Variants in SPACDR observed in about 807,000 individuals in gnomAD.
The protein encoded by SPACDR is uncharacterized protein C7orf61.
chr7:100,462,209 T>G, the SPACDR span, among the ~76,000 whole-genome samples: 4 of 152,148 alleles, frequency 2.6e-5, no homozygotes, highest in Non-Finnish European at 5.9e-5. Context: ...AAATATTTTT[T>G]ATTTTTATTA....
chr7:100,458,248 A>G, the SPACDR span, among the ~76,000 whole-genome samples: 1 of 148,236 alleles, frequency 6.7e-6, no homozygotes, highest in Non-Finnish European at 1.5e-5. Flanking sequence ...GTATAATTTT[A>G]CCAAGTTTTA....
At chr7:100,459,836 G>A in the SPACDR span, among the ~76,000 whole-genome samples, 1 of 152,104 alleles carries the variant, frequency 6.6e-6, no homozygotes, top group African/African-American at 2.4e-5. Context: ...ACCCACTGAA[G>A]GACATGGGTT....
At chr7:100,460,691 C>A in the SPACDR span, among the ~76,000 whole-genome samples, 1 of 151,678 alleles carries the variant, frequency 6.6e-6, no homozygotes, top group Non-Finnish European at 1.5e-5. Flanking sequence ...CTCACTGCCA[C>A]CCAGGTTGGA....
At chr7:100,463,350 G>T in the SPACDR span, 1 of 1,559,124 alleles carries the variant, frequency 6.4e-7, no homozygotes, top group South Asian at 1.2e-5. Context: ...GGGGGTGTTA[G>T]GATGGTGCTG....
the SPACDR span, chr7:100,463,448 A>C: frequency 6.2e-7 from 1 of 1,613,782 alleles, no homozygotes; most frequent in Non-Finnish European, 8.5e-7. Flanking sequence ...CGGCAGCTGC[A>C]GTAGGGATTG....
At chr7:100,457,013 C>T in the SPACDR span, 1,742 of 1,550,656 alleles carry the variant, frequency 1.1e-3, 6 homozygotes, top group Non-Finnish European at 1.1e-3. Context: ...GATGTGCATG[C>T]GTAAATAGCT....
At chr7:100,459,268 C>G in the SPACDR span, among the ~76,000 whole-genome samples, 1 of 151,478 alleles carries the variant, frequency 6.6e-6, no homozygotes, top group African/African-American at 2.4e-5. Flanking sequence ...CCTCGGCCTC[C>G]CAAAGTGCTG....
chr7:100,463,183 A>C, the SPACDR span, among the ~76,000 whole-genome samples: 1 of 151,914 alleles, frequency 6.6e-6, no homozygotes, highest in Non-Finnish European at 1.5e-5. Context: ...TATGTTGCCC[A>C]GGCTGGTCTC....
At chr7:100,459,686 A>G in the SPACDR span, among the ~76,000 whole-genome samples, 1 of 152,098 alleles carries the variant, frequency 6.6e-6, no homozygotes, top group Non-Finnish European at 1.5e-5. Flanking sequence ...GCTGGCCTCG[A>G]AACCCTGGGC....
chr7:100,457,837 G>GTGTGTGTGTA, the SPACDR span, among the ~76,000 whole-genome samples: 2 of 114,740 alleles, frequency 1.7e-5, no homozygotes, highest in Non-Finnish European at 3.5e-5. Flanking sequence ...GTGTGTGTGT[G>GTGTGTGTGTA]TGTGTATATA....
chr7:100,456,856 A>G, the SPACDR span: 2 of 1,613,472 alleles, frequency 1.2e-6, no homozygotes, highest in Non-Finnish European at 1.7e-6. Flanking sequence ...TGCCTGCGGT[A>G]CAGCCGGCGC....
the SPACDR span, among the ~76,000 whole-genome samples, chr7:100,457,860 T>A: frequency 0.013 from 1,219 of 94,300 alleles, 41 homozygotes; most frequent in African/African-American, 0.037. Flanking sequence ...TATATATATT[T>A]TTTTTTTTTT....
the SPACDR span, among the ~76,000 whole-genome samples, chr7:100,460,555 A>G: frequency 1.3e-5 from 2 of 151,376 alleles, no homozygotes; most frequent in Non-Finnish European, 2.9e-5. Context: ...ATGCCACTGC[A>G]CTCCAGCCTA....
chr7:100,464,239 C>T, the SPACDR span: 1 of 1,434,154 alleles, frequency 7.0e-7, no homozygotes, highest in Non-Finnish European at 9.2e-7. Flanking sequence ...CTCCCTGGGA[C>T]AGGGAGAGGA....
chr7:100,457,062 T>TA, the SPACDR span: 4 of 1,030,246 alleles, frequency 3.9e-6, no homozygotes, highest in African/African-American at 4.8e-5. Context: ...GACCCATAGA[T>TA]AAACAGCAAA....
the SPACDR span, among the ~76,000 whole-genome samples, chr7:100,458,195 GGTGTGTGTGTGTGTGTGTGT>G: frequency 9.3e-4 from 127 of 137,104 alleles, 1 homozygote; most frequent in African/African-American, 2.7e-3. Context: ...TGTACTCACT[GGTGTGTGTGTGTGTGTGTGT>G]GTGTGTGTGT....
the SPACDR span, chr7:100,456,991 A>G: frequency 1.2e-6 from 2 of 1,605,066 alleles, no homozygotes. Flanking sequence ...GATGACTGTA[A>G]GAGAAAGAGA....
At chr7:100,463,125 A>G in the SPACDR span, among the ~76,000 whole-genome samples, 1 of 150,050 alleles carries the variant, frequency 6.7e-6, no homozygotes, top group South Asian at 2.1e-4. Context: ...AAAAAAAGAA[A>G]GGAAGAAAAA....
chr7:100,457,222 C>T, the SPACDR span, among the ~76,000 whole-genome samples: 3 of 150,714 alleles, frequency 2.0e-5, no homozygotes, highest in African/African-American at 2.4e-5. Context: ...AGGCTGGTCT[C>T]GAACTCCTGG....
Sources: allele counts gnomAD v4.1 joint callset (sites outside exome capture counted in the v4.1 genomes callset), GRCh38; gene constraint gnomAD v4.1.1; transcripts MANE v1.5; gene names NCBI Gene and HGNC (gene_info 2026-07-23, HGNC 2026-07-21).